KHDRBS2: variants seen among roughly 807,000 people sequenced by gnomAD.
The protein encoded by KHDRBS2 is KH RNA binding domain containing, signal transduction associated 2.
A neutral mutation model predicts 44.3 loss-of-function variants in KHDRBS2; 26 were observed. The observed-to-expected ratio is 0.59, with a 90% CI of 0.43 to 0.81. The LOEUF (loss-of-function observed/expected upper bound fraction) is 0.81. Among genes scored for constraint, KHDRBS2 ranks in the 40% least tolerant of loss-of-function variants. The probability of loss-of-function intolerance (pLI) is 0.00; values close to 1 mark genes in which losing one functional copy is unlikely to be tolerated. For synonymous variants in KHDRBS2, 194 were observed against 151.1 expected (o/e 1.28, Z -2.08); for missense variants, 476 against 433.1 (o/e 1.10, Z -0.88).
intron 2 of KHDRBS2, among the ~76,000 whole-genome samples, chr6:62,162,285 C>T (rs1817813739): frequency 6.6e-6 from 1 of 152,062 alleles, no homozygotes; most frequent in Non-Finnish European, 1.5e-5. Context: ...AATGAACTCT[C>T]TCTGAGCTGT....
chr6:62,103,747 G>A (rs1163468428), intron 2 of KHDRBS2, among the ~76,000 whole-genome samples: 2 of 152,166 alleles, frequency 1.3e-5, no homozygotes, highest in African/African-American at 4.8e-5. Flanking sequence ...CCTTGCAGTG[G>A]CCCCTCCAGG....
At chr6:62,122,711 C>CA (rs781172803) in intron 2 of KHDRBS2, among the ~76,000 whole-genome samples, 43 of 150,424 alleles carry the variant, frequency 2.9e-4, no homozygotes, top group South Asian at 6.4e-4. Context: ...ATGAAGACAC[C>CA]ACCTGAAAGT....
At chr6:62,152,710 T>C (rs1427196225) in intron 2 of KHDRBS2, among the ~76,000 whole-genome samples, 3 of 152,226 alleles carry the variant, frequency 2.0e-5, no homozygotes, top group Non-Finnish European at 4.4e-5. Flanking sequence ...TTGAGGTCCA[T>C]TTATCCCTTT....
chr6:61,805,015 A>T (rs758128154), intron 6 of KHDRBS2, among the ~76,000 whole-genome samples: 1 of 152,172 alleles, frequency 6.6e-6, no homozygotes, highest in African/African-American at 2.4e-5. Flanking sequence ...TTTCTATTGC[A>T]TCATCAGGCT....
chr6:61,565,737 A>T, the KHDRBS2 span, among the ~76,000 whole-genome samples: 1 of 152,114 alleles, frequency 6.6e-6, no homozygotes. Context: ...CTATTGTATA[A>T]AATGTTTATA....
At chr6:62,211,477 TA>T (rs1475625200) in intron 1 of KHDRBS2, among the ~76,000 whole-genome samples, 1 of 152,218 alleles carries the variant, frequency 6.6e-6, no homozygotes, top group African/African-American at 2.4e-5. Flanking sequence ...AAATAAAAGT[TA>T]TTTGTATATC....
chr6:61,859,895 T>C, intron 6 of KHDRBS2, among the ~76,000 whole-genome samples: 2 of 152,092 alleles, frequency 1.3e-5, no homozygotes, highest in South Asian at 4.1e-4. Flanking sequence ...TCAAATATCA[T>C]ATTAAAAGAA....
In KHDRBS2 at chr6:61,749,082, G is replaced by T. The variant is rs1296931679; in HGVS notation, c.811-16318C>A. 2.2e-5 allele frequency among the ~76,000 whole-genome samples: 3 copies of T among 139,104 alleles called. No individual in the cohort carries two copies. The Admixed American group carries it at 2.3e-4, about 11-fold the overall frequency. The allele number at this position is 139,104 out of a possible 152,430, so 91.3% of individuals were successfully genotyped here. ...GGCTGGAGTGCAGTGGCACAATCTC[G>T]GCTCACTGCAAACTCCGCCTCCCAG... On this transcript the variant is annotated intron_variant, in intron 6 of 8. Transcript: ENST00000281156.
At chr6:62,078,175 C>G (rs1267653628) in intron 2 of KHDRBS2, among the ~76,000 whole-genome samples, 1 of 151,968 alleles carries the variant, frequency 6.6e-6, no homozygotes, top group East Asian at 1.9e-4. Flanking sequence ...CATAATTTAT[C>G]AATATAAAAC....
chr6:61,644,420 T>A, the KHDRBS2 span, among the ~76,000 whole-genome samples: 3 of 151,988 alleles, frequency 2.0e-5, no homozygotes, highest in African/African-American at 7.2e-5. Flanking sequence ...AAAAAGACCC[T>A]AAAAGCAATA....
chr6:62,167,512 C>T (rs1020484277), intron 2 of KHDRBS2, among the ~76,000 whole-genome samples: 1 of 152,098 alleles, frequency 6.6e-6, no homozygotes, highest in Non-Finnish European at 1.5e-5. Context: ...TTTCAAATGC[C>T]ATTCTATTGG....
intron 6 of KHDRBS2, among the ~76,000 whole-genome samples, chr6:61,807,596 C>G (rs935597993): frequency 6.6e-6 from 1 of 152,028 alleles, no homozygotes; most frequent in Non-Finnish European, 1.5e-5. Flanking sequence ...ACATGTGTCT[C>G]ACAAGTGGGA....
intron 2 of KHDRBS2, among the ~76,000 whole-genome samples, chr6:62,104,738 A>G (rs1802743666): frequency 6.6e-6 from 1 of 151,494 alleles, no homozygotes; most frequent in African/African-American, 2.4e-5. Flanking sequence ...TAAGAAGTTG[A>G]AAAAAAAGAA....
chr6:61,888,258 T>C (rs1246083248), intron 6 of KHDRBS2, among the ~76,000 whole-genome samples: 2 of 152,158 alleles, frequency 1.3e-5, no homozygotes, highest in Non-Finnish European at 2.9e-5. Flanking sequence ...CAGACCTAAT[T>C]TCAGTTGACT....
At chr6:61,830,314 A>G (rs77391005) in intron 6 of KHDRBS2, among the ~76,000 whole-genome samples, 1 of 152,144 alleles carries the variant, frequency 6.6e-6, no homozygotes, top group East Asian at 1.9e-4. Flanking sequence ...GAATTTCAAG[A>G]ATGATAAATT....
intron 6 of KHDRBS2, among the ~76,000 whole-genome samples, chr6:61,808,195 T>TA (rs1787475401): frequency 6.6e-6 from 1 of 152,084 alleles, no homozygotes; most frequent in Non-Finnish European, 1.5e-5. Flanking sequence ...ACTAGTAGTT[T>TA]AAATCTATGA....
At chr6:61,880,013 CAAAG>C (rs796729268) in intron 6 of KHDRBS2, among the ~76,000 whole-genome samples, 20 of 151,704 alleles carry the variant, frequency 1.3e-4, no homozygotes, top group African/African-American at 4.8e-4. Context: ...TGAGACAAAG[CAAAG>C]AAAGAATCAA....
intron 1 of KHDRBS2, among the ~76,000 whole-genome samples, chr6:62,191,155 A>T (rs78989227): frequency 0.035 from 5,389 of 152,186 alleles, 251 homozygotes; most frequent in African/African-American, 0.12. Flanking sequence ...CACTACCCTG[A>T]CATGTACCTG....
intron 6 of KHDRBS2, among the ~76,000 whole-genome samples, chr6:61,748,170 T>A (rs1164208193): frequency 6.6e-6 from 1 of 152,164 alleles, no homozygotes; most frequent in Non-Finnish European, 1.5e-5. Context: ...TTTGTATTTT[T>A]AGTAGAGACG....
Sources: allele counts gnomAD v4.1 joint callset (sites outside exome capture counted in the v4.1 genomes callset), GRCh38; gene constraint gnomAD v4.1.1; transcripts MANE v1.5; gene names NCBI Gene and HGNC (gene_info 2026-07-23, HGNC 2026-07-21).